GNG12: variants seen among roughly 807,000 people sequenced by gnomAD.
The protein encoded by GNG12 is G protein subunit gamma 12.
For missense variants in GNG12, 69 were observed against 83.8 expected (o/e 0.82, Z 0.69); for synonymous variants, 28 against 29.7 (o/e 0.94, Z 0.19).
At chr1:67,803,136 T>A (rs923770544) in intron 1 of GNG12, among the ~76,000 whole-genome samples, 1 of 152,222 alleles carries the variant, frequency 6.6e-6, no homozygotes, top group African/African-American at 2.4e-5. Context: ...TAGATTACAT[T>A]GGTCTATGGC....
chr1:67,798,836 C>T (rs1646847131), intron 1 of GNG12, among the ~76,000 whole-genome samples: 2 of 152,168 alleles, frequency 1.3e-5, no homozygotes, highest in Admixed American at 1.3e-4. Context: ...AGCCTGTAGT[C>T]CCAGCTACTC....
intron 2 of GNG12, among the ~76,000 whole-genome samples, chr1:67,773,310 C>T (rs1646685466): frequency 6.6e-6 from 1 of 152,166 alleles, no homozygotes; most frequent in Non-Finnish European, 1.5e-5. Context: ...AATGGTTCAT[C>T]TTACCAGTGC....
chr1:67,786,961 G>A (rs1406121435), intron 1 of GNG12, among the ~76,000 whole-genome samples: 115 of 147,972 alleles, frequency 7.8e-4, no homozygotes, highest in African/African-American at 2.5e-3. Context: ...GTGTGTGTGT[G>A]TGTGTGTGTG....
intron 1 of GNG12, among the ~76,000 whole-genome samples, chr1:67,816,135 T>G (rs972170178): frequency 1.3e-5 from 2 of 152,222 alleles, no homozygotes; most frequent in African/African-American, 4.8e-5. Context: ...TGAGACTTTT[T>G]TTTCTTTTCT....
At position 67,805,231 on chromosome 1, in the gene GNG12, T is replaced by C. The variant is rs571022748; in HGVS notation, c.-76-27724A>G. On this transcript the variant is annotated intron_variant, in intron 1 of 3. Transcript: ENST00000370982. Reference sequence around the variant, plus strand: ...TCTGTTATCCCACACTTCACCTCCATGTTCCTAAAAGCCTATTTATCACAT... The same window carrying C: ...TCTGTTATCCCACACTTCACCTCCACGTTCCTAAAAGCCTATTTATCACAT... Among the ~76,000 whole-genome samples, 83 of 152,162 alleles carry C rather than the reference T, an allele frequency of 5.5e-4. 1 individual carries two copies. Among genetic ancestry groups the C allele is most frequent in the South Asian group, 4.6e-3 (22 of 4,826 alleles).
intron 1 of GNG12, among the ~76,000 whole-genome samples, chr1:67,822,541 T>A (rs1646990224): frequency 6.6e-6 from 1 of 152,046 alleles, no homozygotes. Flanking sequence ...AAACAAAACA[T>A]CCAGAGAGCT....
chr1:67,730,419 T>A (rs931075109), intron 2 of GNG12, among the ~76,000 whole-genome samples: 20 of 152,126 alleles, frequency 1.3e-4, no homozygotes, highest in African/African-American at 4.3e-4. Flanking sequence ...GAGAAAACAC[T>A]TGAACCCAGG....
chr1:67,746,610 C>T (rs1303024803), intron 2 of GNG12, among the ~76,000 whole-genome samples: 1 of 152,108 alleles, frequency 6.6e-6, no homozygotes, highest in Non-Finnish European at 1.5e-5. Flanking sequence ...CTCTCCATCC[C>T]TGTGGTCTAA....
intron 1 of GNG12, among the ~76,000 whole-genome samples, chr1:67,825,917 C>T (rs1302062853): frequency 6.6e-6 from 1 of 152,156 alleles, no homozygotes; most frequent in African/African-American, 2.4e-5. Flanking sequence ...TCTTTACCTA[C>T]CCCTCAGAAA....
At chr1:67,796,027 T>A (rs937636604) in intron 1 of GNG12, among the ~76,000 whole-genome samples, 1 of 152,230 alleles carries the variant, frequency 6.6e-6, no homozygotes, top group African/African-American at 2.4e-5. Flanking sequence ...CTCCATACCC[T>A]TCTTATGATC....
At chr1:67,806,224 C>T (rs1038613185) in intron 1 of GNG12, among the ~76,000 whole-genome samples, 1 of 151,992 alleles carries the variant, frequency 6.6e-6, no homozygotes, top group Non-Finnish European at 1.5e-5. Flanking sequence ...TCAGAGAATG[C>T]ATAAGTGAAG....
At chr1:67,825,001 G>C (rs1185655352) in intron 1 of GNG12, among the ~76,000 whole-genome samples, 2 of 152,194 alleles carry the variant, frequency 1.3e-5, no homozygotes, top group African/African-American at 4.8e-5. Flanking sequence ...CAGCCTGCCA[G>C]GAGCATTGAT....
intron 1 of GNG12, among the ~76,000 whole-genome samples, chr1:67,778,196 T>G (rs1646717573): frequency 6.6e-6 from 1 of 151,718 alleles, no homozygotes; most frequent in African/African-American, 2.4e-5. Flanking sequence ...AGAAATTAAT[T>G]TTAATATTTA....
At chr1:67,771,964 T>C (rs1257496505) in intron 2 of GNG12, among the ~76,000 whole-genome samples, 1 of 152,178 alleles carries the variant, frequency 6.6e-6, no homozygotes, top group African/African-American at 2.4e-5. Context: ...GTCTGTTCCA[T>C]AAGGAGCTAT....
intron 2 of GNG12, among the ~76,000 whole-genome samples, chr1:67,710,611 C>T (rs552573845): frequency 1.3e-5 from 2 of 152,154 alleles, no homozygotes; most frequent in East Asian, 3.9e-4. Flanking sequence ...CTAAAGTTGG[C>T]GAGACACTCA....
Position 67,733,616 on chromosome 1 carries a change from G to GA in GNG12, c.-26-25905dup, listed in dbSNP as rs558479461. On this transcript the variant is annotated intron_variant, in intron 2 of 3. Coordinates refer to ENST00000370982, the MANE Select transcript of GNG12 (RefSeq NM_018841.6). ...ATTTTGAAATTCTTAAAATTTATAG[G>GA]AAAAAAACCAAAAAGGGCAACATGA... 1.2e-3 allele frequency among the ~76,000 whole-genome samples: 179 copies of GA among 151,892 alleles called. 1 individual carries two copies. The highest frequency in any genetic ancestry group is 4.1e-3 in the African/African-American group (168 of 41,442).
At chr1:67,768,173 A>G (rs1646652688) in intron 2 of GNG12, among the ~76,000 whole-genome samples, 1 of 152,246 alleles carries the variant, frequency 6.6e-6, no homozygotes, top group African/African-American at 2.4e-5. Flanking sequence ...AACATTTCAT[A>G]TAGACTATTT....
At position 67,781,496 on chromosome 1, in the gene GNG12, CAA is replaced by C. The variant is rs535290749; in HGVS notation, c.-76-3991_-76-3990del. On this transcript the variant is annotated intron_variant, in intron 1 of 3. Transcript: ENST00000370982. Reference sequence around the variant, plus strand: ...TTACATTGTAATCGGGGACAGCAAACAAACACGTATACAAATAAGTAAATAAG... The same window carrying C: ...TTACATTGTAATCGGGGACAGCAAACACACGTATACAAATAAGTAAATAAG... Among the ~76,000 whole-genome samples the C allele has an allele frequency of 1.3e-3, 197 of 152,256 alleles. 2 individuals carry two copies. Among genetic ancestry groups the C allele is most frequent in the Non-Finnish European group, 1.4e-3 (93 of 68,008 alleles).
In GNG12 at chr1:67,775,000, C is replaced by T. The variant is rs78421376; in HGVS notation, c.-27+2458G>A. On this transcript the variant is annotated intron_variant, in intron 2 of 3. Transcript: ENST00000370982. ...CACAGTGCTCAATACACAGTAGCTA[C>T]TCATTATTACTATTGTTGCTGTTAT... Among the ~76,000 whole-genome samples the T allele has an allele frequency of 6.2e-3, 942 of 152,284 alleles. 14 individuals are homozygous for T. The highest frequency in any genetic ancestry group is 0.022 in the African/African-American group (897 of 41,562).
Sources: allele counts gnomAD v4.1 joint callset (sites outside exome capture counted in the v4.1 genomes callset), GRCh38; gene constraint gnomAD v4.1.1; transcripts MANE v1.5; gene names NCBI Gene and HGNC (gene_info 2026-07-23, HGNC 2026-07-21).